The following TBC1D1 variants were observed in gnomAD, a reference collection of about 807,000 sequenced individuals.
The protein encoded by TBC1D1 is TBC1 (tre-2/USP6, BUB2, cdc16) domain family, member 1.
A neutral mutation model predicts 125.6 loss-of-function variants in TBC1D1; 89 were observed. That is an observed-to-expected ratio of 0.71 (90% CI 0.60 to 0.85). The LOEUF (loss-of-function observed/expected upper bound fraction) is 0.85. TBC1D1 is among the 40% of genes least tolerant of loss of function. The pLI is 0.00. For missense variants in TBC1D1, 1,377 were observed against 1,469.2 expected (o/e 0.94, Z 1.03); for synonymous variants, 565 against 564.1 (o/e 1.00, Z -0.02).
intron 2 of TBC1D1, among the ~76,000 whole-genome samples, chr4:37,937,494 T>A (rs1181972488): frequency 1.3e-5 from 2 of 152,142 alleles, no homozygotes. Flanking sequence ...AAATAACCAC[T>A]GGTATTAGTT....
At chr4:37,905,622 C>T (rs1717145592) in intron 2 of TBC1D1, among the ~76,000 whole-genome samples, 1 of 152,210 alleles carries the variant, frequency 6.6e-6, no homozygotes, top group Non-Finnish European at 1.5e-5. Context: ...CTTTGGCTAA[C>T]TTTCTCAAAA....
At chr4:38,034,639 T>C (rs1256087391) in intron 7 of TBC1D1, among the ~76,000 whole-genome samples, 1 of 152,190 alleles carries the variant, frequency 6.6e-6, no homozygotes, top group African/African-American at 2.4e-5. Context: ...CCTTGTGTAG[T>C]TGATCCATTT....
intron 15 of TBC1D1, among the ~76,000 whole-genome samples, chr4:38,108,194 G>A (rs182264952): frequency 3.3e-5 from 5 of 152,252 alleles, no homozygotes; most frequent in South Asian, 2.1e-4. Flanking sequence ...TCCTGACCAC[G>A]CTGGGGGCTG....
chr4:37,941,824 T>C (rs1725635654), intron 2 of TBC1D1, among the ~76,000 whole-genome samples: 1 of 152,112 alleles, frequency 6.6e-6, no homozygotes, highest in Non-Finnish European at 1.5e-5. Context: ...TTCCATGTAG[T>C]TGAGTAGTTT....
rs556659281 is a variant in TBC1D1 at position 38,115,852 on chromosome 4, G to C, written c.2700G>C (p.Leu900Phe). ...GTCTCAGCTTTGTAGCAGGCATTTT[G>C]CTTCTTCATATGAGTGAGGAAGAGG... Residue 900 changes from leucine (L) to phenylalanine (F), a missense_variant, in exon 16 of 20, where the codon TTG (leucine) becomes TTC (phenylalanine). This residue lies in a region of TBC1D1 where 543 missense variants were observed against 613.5 expected (regional missense o/e 0.89). Coordinates refer to ENST00000261439, the MANE Select transcript of TBC1D1 (RefSeq NM_015173.4). 4.3e-5 allele frequency: 69 copies of C among 1,614,190 alleles called. No individual in the cohort carries two copies. In the Admixed American group the frequency reaches 1.0e-3, roughly 25 times the overall value.
chr4:37,959,091 C>G (rs2152329382), intron 2 of TBC1D1, among the ~76,000 whole-genome samples: 2 of 152,296 alleles, frequency 1.3e-5, no homozygotes, highest in South Asian at 4.1e-4. Flanking sequence ...CTAATGATAC[C>G]TTTGAATGGC....
chr4:37,987,967 C>A (rs1178802927), intron 2 of TBC1D1, among the ~76,000 whole-genome samples: 2 of 152,194 alleles, frequency 1.3e-5, no homozygotes, highest in East Asian at 3.8e-4. Flanking sequence ...AGATAGCACA[C>A]TAGGCAGGCA....
At chr4:38,054,528 A>C (rs1751328534) in intron 12 of TBC1D1, among the ~76,000 whole-genome samples, 190 bp downstream of exon 14, 1 of 152,074 alleles carries the variant, frequency 6.6e-6, no homozygotes, top group South Asian at 2.1e-4. Flanking sequence ...ATTTAAAGCT[A>C]ATTTAGGGTA....
intron 7 of TBC1D1, chr4:38,030,506 A>G (rs1350664834): frequency 6.6e-6 from 1 of 152,208 alleles, no homozygotes; most frequent in Non-Finnish European, 1.5e-5. Flanking sequence ...TGGATCTTTT[A>G]TTCTAGAGGC....
At chr4:38,031,230 A>T (rs1360811203) in intron 7 of TBC1D1, among the ~76,000 whole-genome samples, 5 of 152,218 alleles carry the variant, frequency 3.3e-5, no homozygotes, top group Non-Finnish European at 7.3e-5. Flanking sequence ...AATCTATATG[A>T]GTGTGTTTCA....
At chr4:38,088,635 A>G (rs1165204403) in intron 12 of TBC1D1, among the ~76,000 whole-genome samples, 1 of 152,098 alleles carries the variant, frequency 6.6e-6, no homozygotes, top group Non-Finnish European at 1.5e-5. Flanking sequence ...ATAGCAAACA[A>G]TAAGAGCTAT....
intron 16 of TBC1D1, among the ~76,000 whole-genome samples, chr4:38,116,327 G>T (rs956285212): frequency 2.0e-5 from 3 of 152,118 alleles, no homozygotes; most frequent in African/African-American, 7.2e-5. Context: ...CTCTGCATCT[G>T]CTCTTCCTCT....
rs1733448356 is a variant in TBC1D1 at position 37,977,606 on chromosome 4, C to T, written c.418-36903C>T. 2.3e-6 allele frequency: 1 copy of T among 436,686 alleles called. No individual in the cohort carries two copies. The allele number at this position is 436,686 out of a possible 1,614,324, so 27.1% of individuals were successfully genotyped here. A position where few individuals can be genotyped will look rare whatever the true frequency, so the allele number is the denominator to read the frequency against. Reference sequence around the variant, plus strand: ...GGCTGGAACATTTGTAACCTTCGGGCCGGGGCTGGGCCGGGCCGCTGGAGG... The same window carrying T: ...GGCTGGAACATTTGTAACCTTCGGGTCGGGGCTGGGCCGGGCCGCTGGAGG... On this transcript the variant is annotated intron_variant, in intron 2 of 19. Transcript: ENST00000261439. The surrounding 1 kb of genome is among the most constrained non-coding windows in gnomAD (Gnocchi z 4.3).
chr4:38,112,114 G>T, intron 15 of TBC1D1: 1 of 981,508 alleles, frequency 1.0e-6, no homozygotes, highest in Non-Finnish European at 1.2e-6. Context: ...AATAACAAGA[G>T]ATTTGAAAGT....
rs979779184 is a variant in TBC1D1, at chr4:37,966,363, C to T, written c.418-48146C>T. The stretch of plus-strand genomic sequence containing the variant: ...ACCTCACCCAGAGCAAAACTTCTGT[C>T]CTGTTTGGAAAATTCCAGGTTAGAA... On this transcript the variant is annotated intron_variant, in intron 2 of 19. Transcript: ENST00000261439. Among the ~76,000 whole-genome samples the T allele has an allele frequency of 1.4e-4, 22 of 152,324 alleles. No homozygotes were observed. The East Asian group carries it at 2.1e-3, about 15-fold the overall frequency.
intron 18 of TBC1D1, among the ~76,000 whole-genome samples, chr4:38,125,859 G>T (rs978299924): frequency 2.0e-5 from 3 of 152,182 alleles, no homozygotes; most frequent in African/African-American, 7.2e-5. Context: ...AGAGAAAGGG[G>T]CATCATTGGA....
At chr4:37,927,531 G>A (rs937791661) in intron 2 of TBC1D1, among the ~76,000 whole-genome samples, 2 of 152,158 alleles carry the variant, frequency 1.3e-5, no homozygotes, top group African/African-American at 2.4e-5. Flanking sequence ...GGCAGCTTGG[G>A]TTTTTGCTTT....
chr4:38,064,413 G>T (rs944749791), intron 12 of TBC1D1, among the ~76,000 whole-genome samples: 1 of 152,164 alleles, frequency 6.6e-6, no homozygotes. Flanking sequence ...GGAAGGGTTT[G>T]GTCCTGCTGG....
intron 6 of TBC1D1, among the ~76,000 whole-genome samples, chr4:38,023,333 AT>A (rs1239408860): frequency 1.3e-5 from 2 of 152,230 alleles, no homozygotes; most frequent in African/African-American, 4.8e-5. Flanking sequence ...TTTTAAAAAA[AT>A]ATAGTAAAAA....
Sources: gnomAD v4.1 joint callset for allele counts (sites outside exome capture counted in the v4.1 genomes callset) on GRCh38, gnomAD v4.1.1 for gene constraint, gnomAD v4.1.1 regional missense constraint, Gnocchi (gnomAD v3.1) non-coding constraint, MANE v1.5 for transcripts, NCBI Gene and HGNC (gene_info 2026-07-23, HGNC 2026-07-21) for gene names.